Variants in TSHZ2 observed in about 807,000 individuals in gnomAD.
TSHZ2 encodes the protein teashirt homolog 2.
A neutral mutation model predicts 74.4 loss-of-function variants in TSHZ2; 21 were observed. That is an observed-to-expected ratio of 0.28 (90% CI 0.20 to 0.41). The LOEUF is 0.41. Ranked by LOEUF, TSHZ2 falls within the 10% of genes least tolerant of loss-of-function variation. The pLI, the probability that TSHZ2 is intolerant of heterozygous loss-of-function variation, is 1.00. For synonymous variants in TSHZ2, 540 were observed against 515.3 expected, an observed-to-expected ratio of 1.05 and a Z score of -0.65; for missense variants, 1,244 against 1,293.5, an observed-to-expected ratio of 0.96 and a Z score of 0.59.
chr20:53,130,072 GA>G (rs1171353770), intron 1 of TSHZ2, among the ~76,000 whole-genome samples: 2 of 151,792 alleles, frequency 1.3e-5, no homozygotes, highest in East Asian at 3.9e-4. Context: ...AGTAGGAAAA[GA>G]AAATGTTAGT....
intron 2 of TSHZ2, among the ~76,000 whole-genome samples, chr20:53,449,433 A>G (rs1984684915): frequency 6.6e-6 from 1 of 152,260 alleles, no homozygotes; most frequent in Non-Finnish European, 1.5e-5. Context: ...GGCACCCACT[A>G]TGTGTCAGGC....
chr20:53,063,059 A>G (rs1984870520), intron 1 of TSHZ2, among the ~76,000 whole-genome samples: 1 of 152,246 alleles, frequency 6.6e-6, no homozygotes, highest in South Asian at 2.1e-4. Flanking sequence ...GTAACATCAA[A>G]GAGCACTGAT....
chr20:53,254,219 G>A lies in TSHZ2; in HGVS notation c.761G>A (p.Ser254Asn). 6.2e-7 allele frequency: 1 copy of A among 1,614,138 alleles called. No homozygotes were observed. The change falls in exon 2 of 3, where the codon AGC becomes AAC. Residue 254 changes from serine (S) to asparagine (N), a missense_variant. By Grantham distance (46) the Ser-to-Asn change is conservative (BLOSUM62 1). Coordinates refer to ENST00000371497, the MANE Select transcript of TSHZ2 (RefSeq NM_173485.6). ...AAAAAGGACAAGCTCAGACCCACGA[G>A]CTATTCAAAGCCCAGGAAAAGGGCT... Reference protein sequence around the residue: ...NRKKDKLRPTSYSKPRKRAFQ... With the variant: ...NRKKDKLRPTNYSKPRKRAFQ...
chr20:53,250,327 A>G (rs544653593), intron 1 of TSHZ2, among the ~76,000 whole-genome samples: 1 of 152,350 alleles, frequency 6.6e-6, no homozygotes, highest in South Asian at 2.1e-4. Context: ...ATGCAATCTT[A>G]TTAAACAAGT....
In TSHZ2 at chr20:53,003,468, C is replaced by T. The variant is rs569979731; in HGVS notation, c.40+30135C>T. ...GATTCCTTAGTGATCGGCTTACACG[C>T]TTTCAAACTGGCACGCCTGTAATCT... On this transcript the variant is annotated intron_variant, in intron 1 of 2. Transcript: ENST00000371497. Among the ~76,000 whole-genome samples the T allele has an allele frequency of 3.7e-4, 56 of 152,258 alleles. 1 individual carries two copies. In the South Asian group the frequency reaches 0.011, roughly 29 times the overall value.
intron 1 of TSHZ2, among the ~76,000 whole-genome samples, chr20:53,002,830 A>G (rs1982489293): frequency 6.6e-6 from 1 of 152,182 alleles, no homozygotes; most frequent in Non-Finnish European, 1.5e-5. Context: ...ATAGAAGTTT[A>G]TCTGTGAGCA....
intron 2 of TSHZ2, among the ~76,000 whole-genome samples, chr20:53,467,414 A>C (rs568752753): frequency 6.6e-6 from 1 of 152,352 alleles, no homozygotes; most frequent in South Asian, 2.1e-4. Flanking sequence ...TTTTTAATTT[A>C]TTCTACATCT....
At chr20:53,424,566 TTTTAA>T (rs1983593101) in intron 2 of TSHZ2, among the ~76,000 whole-genome samples, 1 of 152,256 alleles carries the variant, frequency 6.6e-6, no homozygotes, top group Admixed American at 6.5e-5. Context: ...CCTCTTTTTT[TTTTAA>T]ATTTTTTTAA....
chr20:53,086,115 A>G (rs1470526697), intron 1 of TSHZ2, among the ~76,000 whole-genome samples: 1 of 152,162 alleles, frequency 6.6e-6, no homozygotes, highest in African/African-American at 2.4e-5. Flanking sequence ...CCCACTGTGC[A>G]TCTCAATCAA....
intron 1 of TSHZ2, among the ~76,000 whole-genome samples, chr20:53,188,679 G>C (rs1988660229): frequency 6.6e-6 from 1 of 152,058 alleles, no homozygotes; most frequent in African/African-American, 2.4e-5. Context: ...TATATGTCTA[G>C]CTCCATCTTA....
intron 2 of TSHZ2, among the ~76,000 whole-genome samples, chr20:53,385,537 A>G (rs1260917894): frequency 6.6e-6 from 1 of 152,148 alleles, no homozygotes; most frequent in Non-Finnish European, 1.5e-5. Context: ...GAATGGGAAT[A>G]CCATTCTCGG....
chr20:53,334,805 T>C (rs368004188), intron 2 of TSHZ2, among the ~76,000 whole-genome samples: 6 of 152,046 alleles, frequency 3.9e-5, no homozygotes, highest in South Asian at 4.2e-4. Flanking sequence ...TGCCTCAGCC[T>C]CCCGAGTGGC....
chr20:53,072,098 G>A (rs1005153697), intron 1 of TSHZ2, among the ~76,000 whole-genome samples: 1 of 152,182 alleles, frequency 6.6e-6, no homozygotes, highest in South Asian at 2.1e-4. Context: ...CGCGGAGGCT[G>A]GGGAACCCCG....
intron 1 of TSHZ2, among the ~76,000 whole-genome samples, chr20:53,240,759 A>ATAGG (rs1555839642): frequency 1.8e-4 from 27 of 151,978 alleles, no homozygotes; most frequent in African/African-American, 6.5e-4. Context: ...AGATAGATAG[A>ATAGG]TAGATAGATA....
At chr20:53,380,500 G>A (rs1256665519) in intron 2 of TSHZ2, among the ~76,000 whole-genome samples, 1 of 152,152 alleles carries the variant, frequency 6.6e-6, no homozygotes, top group South Asian at 2.1e-4. Flanking sequence ...TTCCCAAATG[G>A]CTGAGGATTG....
At chr20:53,228,426 G>A (rs1420954596) in intron 1 of TSHZ2, among the ~76,000 whole-genome samples, 3 of 152,150 alleles carry the variant, frequency 2.0e-5, no homozygotes, top group African/African-American at 2.4e-5. Context: ...TGTAAAAAGC[G>A]ATATAACAGT....
intron 1 of TSHZ2, among the ~76,000 whole-genome samples, chr20:53,044,242 C>T (rs1354794918): frequency 6.6e-6 from 1 of 152,222 alleles, no homozygotes; most frequent in Non-Finnish European, 1.5e-5. Context: ...GTCATATCAG[C>T]TCTCAACGTT....
At chr20:53,236,045 T>A (rs1989932495) in intron 1 of TSHZ2, among the ~76,000 whole-genome samples, 1 of 152,222 alleles carries the variant, frequency 6.6e-6, no homozygotes, top group Non-Finnish European at 1.5e-5. Context: ...CCAACACAGC[T>A]GAATCCAGCA....
intron 1 of TSHZ2, among the ~76,000 whole-genome samples, chr20:53,115,792 T>A (rs976113969): frequency 6.6e-6 from 1 of 152,008 alleles, no homozygotes; most frequent in Non-Finnish European, 1.5e-5. Flanking sequence ...GGTGAGCAGT[T>A]GCAAAGGCCA....
Sources: gnomAD v4.1 joint callset for allele counts (sites outside exome capture counted in the v4.1 genomes callset) on GRCh38, gnomAD v4.1.1 for gene constraint, MANE v1.5 for transcripts, NCBI Gene and HGNC (gene_info 2026-07-23, HGNC 2026-07-21) for gene names.